ELOA: variants seen among roughly 807,000 people sequenced by gnomAD.
ELOA encodes elongin-A.
ELOA carries 15 observed loss-of-function variants against 85.2 expected under a neutral mutation model. That is an observed-to-expected ratio of 0.18 (90% CI 0.12 to 0.27). The LOEUF (loss-of-function observed/expected upper bound fraction) is 0.27. Among genes scored for constraint, ELOA ranks in the 10% least tolerant of loss-of-function variants. The pLI is 1.00. For synonymous variants in ELOA, 348 were observed against 357.2 expected, an observed-to-expected ratio of 0.97 and a Z score of 0.29; for missense variants, 769 against 952.7, an observed-to-expected ratio of 0.81 and a Z score of 2.54.
chr1:23,759,311 T>C (rs1638259447), intron 10 of ELOA, among the ~76,000 whole-genome samples: 1 of 152,254 alleles, frequency 6.6e-6, no homozygotes, highest in Non-Finnish European at 1.5e-5. Flanking sequence ...GTGGTGGTCA[T>C]GCCCCTGGCA....
At chr1:23,752,950 AAG>A (rs1049417820) in intron 5 of ELOA, among the ~76,000 whole-genome samples, 7 of 151,880 alleles carry the variant, frequency 4.6e-5, no homozygotes, top group African/African-American at 1.7e-4. Flanking sequence ...TTTCAAAAAA[AAG>A]GAGTTCTAAA....
chr1:23,758,611 C>T (rs1638248667), intron 10 of ELOA, among the ~76,000 whole-genome samples: 1 of 148,020 alleles, frequency 6.8e-6, no homozygotes, highest in Non-Finnish European at 1.5e-5. Context: ...CTAGTTGCGT[C>T]TATTTTGTAT....
Position 23,759,603 on chromosome 1 carries a change from G to A in ELOA, c.*30G>A, listed in dbSNP as rs1342462507. The A allele has an allele frequency of 6.2e-7, 1 of 1,611,680 alleles. No homozygotes were observed. On this transcript the variant is annotated 3_prime_UTR_variant, in exon 11 of 11. Transcript: ENST00000613537. ...AGGACTTGCCTTGGAAATGGAATCT[G>A]GGGAGGCAGGAATACAAGGACAGTG... is the stretch of plus-strand genomic sequence containing the variant.
intron 1 of ELOA, among the ~76,000 whole-genome samples, chr1:23,745,402 T>C (rs1197029037): frequency 6.6e-6 from 1 of 152,244 alleles, no homozygotes; most frequent in Non-Finnish European, 1.5e-5. Flanking sequence ...CAGTCATTTT[T>C]TTTTTAACTA....
chr1:23,758,502 T>A (rs1638247083), intron 10 of ELOA, among the ~76,000 whole-genome samples: 1 of 149,710 alleles, frequency 6.7e-6, no homozygotes, highest in Non-Finnish European at 1.5e-5. Context: ...CTCGAACCCC[T>A]GACCTTGTGA....
chr1:23,746,345 C>T (rs999593270), intron 1 of ELOA, among the ~76,000 whole-genome samples: 19 of 148,128 alleles, frequency 1.3e-4, no homozygotes, highest in African/African-American at 4.2e-4. Context: ...CAGTGGCTCA[C>T]GCTTGTAATC....
chr1:23,759,519 C>G lies in ELOA; in HGVS notation c.2265C>G (p.Ala755=). 1.9e-6 allele frequency: 3 copies of G among 1,614,176 alleles called. No individual in the cohort carries two copies. Among genetic ancestry groups the G allele is most frequent in the Non-Finnish European group, 1.7e-6 (2 of 1,180,030 alleles). ...TTGTTTCTCTTTTCACAGAAATTGC[C>G]CCAATGATGGCCAAGACAATTAAAG... The part of the protein sequence containing the change: ...DPRKPTVKKI[A]PMMAKTIKAF... The change falls in exon 11 of 11, where the codon GCC becomes GCG. Residue 755 remains alanine (A), a synonymous_variant. Coordinates refer to ENST00000613537, the MANE Select transcript of ELOA (RefSeq NM_003198.3).
chr1:23,756,331 G>A lies in ELOA; in HGVS notation c.2030G>A (p.Arg677Gln), dbSNP rs750214479. The change falls in exon 9 of 11, where the codon CGG becomes CAG. Residue 677 changes from arginine to glutamine, a missense_variant. Arg to Gln is a conservative substitution (Grantham distance 43). This residue lies in a region of ELOA where 116 missense variants were observed against 141.0 expected (regional missense o/e 0.82). Transcript: ENST00000613537. Reference protein sequence around the residue: ...NSVAKPPRDVRRRQEKFGTGG... With the variant: ...NSVAKPPRDVQRRQEKFGTGG... ...GTGGCCAAGCCACCTCGTGACGTCC[G>A]GAGGAGGCAGGAAAAGTTTGGAACG... 126 of 1,581,882 alleles carry A rather than the reference G, an allele frequency of 8.0e-5. No individual in the cohort carries two copies. In the Middle Eastern group the frequency reaches 1.2e-3, roughly 15 times the overall value.
In ELOA at chr1:23,751,351, A is replaced by T. The variant is rs1297101131; in HGVS notation, c.746A>T (p.His249Leu). 2 of 1,614,236 alleles carry T rather than the reference A, an allele frequency of 1.2e-6. No individual in the cohort carries two copies. The highest frequency in any genetic ancestry group is 2.2e-5 in the South Asian group (2 of 91,090). Residue 249 changes from histidine (H) to leucine (L), a missense_variant, in exon 4 of 11, where the codon CAC (histidine) becomes CTC (leucine). This residue lies in a region of ELOA where 440 missense variants were observed against 474.0 expected (regional missense o/e 0.93). Transcript: ENST00000613537. Reference protein sequence around the residue: ...VSQNKEHKSSHKDKRPVDAKS... With the variant: ...VSQNKEHKSSLKDKRPVDAKS... ...CAAAACAAGGAGCACAAATCTTCCCACAAGGACAAACGCCCCGTGGATGCC... is the reference window on the plus strand; with the variant it reads ...CAAAACAAGGAGCACAAATCTTCCCTCAAGGACAAACGCCCCGTGGATGCC...
At chr1:23,753,856 G>A (rs1364499536) in intron 5 of ELOA, among the ~76,000 whole-genome samples, 2 of 152,174 alleles carry the variant, frequency 1.3e-5, no homozygotes, top group Non-Finnish European at 2.9e-5. Flanking sequence ...AGCCTCCTGA[G>A]TAGCTGGGAC....
Position 23,752,476 on chromosome 1 carries a change from C to T in ELOA, c.1495C>T (p.Pro499Ser). The change falls in exon 5 of 11, where the codon CCT becomes TCT. Residue 499 changes from proline to serine, a missense_variant. This residue lies in a region of ELOA where 193 missense variants were observed against 278.9 expected (regional missense o/e 0.69). Coordinates refer to ENST00000613537, the MANE Select transcript of ELOA (RefSeq NM_003198.3). ...PAIQANYRPLPSLELISSFQP... is the reference protein window; with the variant it reads ...PAIQANYRPLSSLELISSFQP... ...GATACAGGCCAATTACCGTCCACTG[C>T]CTTCCCTCGAGCTGATATCCTCCTT... 6.2e-7 allele frequency: 1 copy of T among 1,614,138 alleles called. No homozygotes were observed. The highest frequency in any genetic ancestry group is 2.2e-5 in the East Asian group (1 of 44,880).
chr1:23,746,853 T>C (rs943906781), intron 1 of ELOA, among the ~76,000 whole-genome samples: 3 of 152,214 alleles, frequency 2.0e-5, no homozygotes, highest in African/African-American at 7.2e-5. Flanking sequence ...ACAGCAAGTT[T>C]CGATCCACCT....
chr1:23,751,092 C>G lies in ELOA; in HGVS notation c.487C>G (p.Pro163Ala). ...GAGAAAGAGGTGTCACAGAATGTCA[C>G]CAACTTACTCTTCAGACCCTGAGTC... ...DERKRCHRMS[P>A]TYSSDPESSD... The change falls in exon 4 of 11, where the codon CCA becomes GCA. Residue 163 changes from proline (P) to alanine (A), a missense_variant. Transcript: ENST00000613537. The G allele has an allele frequency of 1.2e-6, 2 of 1,614,074 alleles. No homozygotes were observed. The highest frequency in any genetic ancestry group is 1.7e-6 in the Non-Finnish European group (2 of 1,180,026).
Position 23,751,562 on chromosome 1 carries a change from C to T in ELOA, c.957C>T (p.Ala319=), listed in dbSNP as rs756378513. The T allele has an allele frequency of 1.4e-5, 23 of 1,613,970 alleles. No homozygotes were observed. Among genetic ancestry groups the T allele is most frequent in the East Asian group, 2.2e-5 (1 of 44,902 alleles). The part of the protein sequence containing the change: ...LKKKCLPPSE[A]ASDNHLKKPK... Reference sequence around the variant, plus strand: ...AGAAGTGTTTGCCTCCCTCAGAGGCCGCTTCAGACAACCACCTGAAAAAGC... The same window carrying T: ...AGAAGTGTTTGCCTCCCTCAGAGGCTGCTTCAGACAACCACCTGAAAAAGC... The change falls in exon 4 of 11, where the codon GCC becomes GCT. Residue 319 remains alanine, a synonymous_variant. Coordinates refer to ENST00000613537, the MANE Select transcript of ELOA (RefSeq NM_003198.3).
At chr1:23,745,761 C>T (rs184859640) in intron 1 of ELOA, among the ~76,000 whole-genome samples, 75 of 152,274 alleles carry the variant, frequency 4.9e-4, no homozygotes, top group African/African-American at 1.8e-3. Context: ...TGTGAAATTG[C>T]AAGATGATTA....
chr1:23,745,455 T>G (rs1456672900), intron 1 of ELOA, among the ~76,000 whole-genome samples: 1 of 152,168 alleles, frequency 6.6e-6, no homozygotes, highest in Non-Finnish European at 1.5e-5. Context: ...TTGATTTGCA[T>G]GAAATACAAA....
chr1:23,753,708 T>C lies in ELOA; in HGVS notation c.1538-392T>C, dbSNP rs963882266. 1.8e-4 allele frequency among the ~76,000 whole-genome samples: 27 copies of C among 152,226 alleles called. 1 individual carries two copies. The highest frequency in any genetic ancestry group is 1.8e-3 in the Admixed American group (27 of 15,280). ...TATGTTATTAATTGATTCATTGGCT[T>C]AAAAGGAATAAGATACATTTGCTTT... On this transcript the variant is annotated intron_variant, in intron 5 of 10. Transcript: ENST00000613537.
At position 23,751,004 on chromosome 1, in the gene ELOA, T is replaced by G. The variant is rs755357772; in HGVS notation, c.399T>G (p.His133Gln). The stretch of plus-strand genomic sequence containing the variant: ...GCCCTGACCACAGGCAGAAGAAACA[T>G]AGGAAACTCTCGGAGCTCGAGAGAC... ...SYSPDHRQKK[H>Q]RKLSELERPH... Residue 133 changes from histidine (H) to glutamine (Q), a missense_variant, in exon 4 of 11, where the codon CAT becomes CAG. Transcript: ENST00000613537. The G allele has an allele frequency of 6.2e-7, 1 of 1,613,754 alleles. No individual in the cohort carries two copies. Among genetic ancestry groups the G allele is most frequent in the Non-Finnish European group, 8.5e-7 (1 of 1,179,972 alleles).
At chr1:23,746,608 C>CAAAA (rs55782205) in intron 1 of ELOA, among the ~76,000 whole-genome samples, 3 of 68,420 alleles carry the variant, frequency 4.4e-5, no homozygotes, top group Non-Finnish European at 8.4e-5. Flanking sequence ...ACTCCATCTC[C>CAAAA]AAAAAAAAAA....
Sources: gnomAD v4.1 joint callset for allele counts (sites outside exome capture counted in the v4.1 genomes callset) on GRCh38, gnomAD v4.1.1 for gene constraint, gnomAD v4.1.1 regional missense constraint, MANE v1.5 for transcripts, NCBI Gene and HGNC (gene_info 2026-07-23, HGNC 2026-07-21) for gene names.